C1D: variants seen among roughly 807,000 people sequenced by gnomAD.
C1D encodes C1D nuclear receptor corepressor, also known as nuclear nucleic acid-binding protein C1D.
In C1D, 10 loss-of-function variants were observed where a neutral mutation model predicts 17.5. That is an observed-to-expected ratio of 0.57 (90% CI 0.35 to 0.97). The LOEUF (loss-of-function observed/expected upper bound fraction) is 0.97, where lower values mean the gene tolerates loss of function less well. Among genes scored for constraint, C1D ranks in the 50% least tolerant of loss-of-function variants. The probability of loss-of-function intolerance (pLI) is 0.01; values close to 1 mark genes in which losing one functional copy is unlikely to be tolerated. For missense variants in C1D, 136 were observed against 160.1 expected, an observed-to-expected ratio of 0.85 and a Z score of 0.81; for synonymous variants, 49 against 54.0, an observed-to-expected ratio of 0.91 and a Z score of 0.40.
Position 68,041,631 on chromosome 2 carries a change from T to C in C1D, c.*1258A>G, listed in dbSNP as rs1227536740. 6.6e-6 allele frequency: 1 copy of C among 151,896 alleles called. No homozygotes were observed. Among genetic ancestry groups the C allele is most frequent in the Non-Finnish European group, 1.5e-5 (1 of 67,840 alleles). 9.4% of individuals were successfully genotyped at this position (151,896 alleles called of 1,614,324 possible). A position where few individuals can be genotyped will look rare whatever the true frequency, so the allele number is the denominator to read the frequency against. On this transcript the variant is annotated 3_prime_UTR_variant, in exon 5 of 5. Transcript: ENST00000410067. ...TCCTCTTCATGTGTCATAGAAAGAG[T>C]TCAACATGCTTTACAAAATCCATTA...
chr2:68,053,718 C>T (rs1321533115), intron 1 of C1D, among the ~76,000 whole-genome samples: 3 of 152,194 alleles, frequency 2.0e-5, no homozygotes, highest in African/African-American at 4.8e-5. Flanking sequence ...TCTGCCTAAC[C>T]TCATCTTTCA....
chr2:68,048,436 A>G (rs541715636), intron 1 of C1D, among the ~76,000 whole-genome samples: 1 of 152,188 alleles, frequency 6.6e-6, no homozygotes, highest in Admixed American at 6.5e-5. Flanking sequence ...AAATCATTGA[A>G]TCTCTCTTGG....
At chr2:68,045,874 T>C (rs1247504467) in intron 4 of C1D, 114 bp downstream of exon 4, 1 of 730,886 alleles carries the variant, frequency 1.4e-6, no homozygotes, top group East Asian at 3.1e-5. Flanking sequence ...TCTGGCTCAC[T>C]TTCATAATTT....
rs1006001568 is a variant in C1D at position 68,042,100 on chromosome 2, C to T, written c.*789G>A. The T allele has an allele frequency of 9.2e-5, 14 of 151,974 alleles. No homozygotes were observed. Among genetic ancestry groups the T allele is most frequent in the Non-Finnish European group, 1.6e-4 (11 of 67,898 alleles). The allele number at this position is 151,974 out of a possible 1,614,324, so 9.4% of individuals were successfully genotyped here. ...GAAAAGAACTGTGGACACCATGCATCAGGAACAAAAACTCAAGAATTTCTC... is the reference window on the plus strand; with the variant it reads ...GAAAAGAACTGTGGACACCATGCATTAGGAACAAAAACTCAAGAATTTCTC... On this transcript the variant is annotated 3_prime_UTR_variant, in exon 5 of 5. Coordinates refer to ENST00000410067, the MANE Select transcript of C1D (RefSeq NM_173177.3).
chr2:68,059,876 T>C (rs1030027916), intron 1 of C1D, among the ~76,000 whole-genome samples: 1 of 152,224 alleles, frequency 6.6e-6, no homozygotes, highest in Non-Finnish European at 1.5e-5. Context: ...CAACTTTAAA[T>C]ACCATCTGTT....
At chr2:68,057,314 A>ATTTT (rs373349108) in intron 1 of C1D, among the ~76,000 whole-genome samples, 1 of 140,558 alleles carries the variant, frequency 7.1e-6, no homozygotes, top group African/African-American at 2.6e-5. Flanking sequence ...ACACCTTGCT[A>ATTTT]TTTTTTTTTT....
In C1D at chr2:68,051,044, C is replaced by T. The variant is rs549108825; in HGVS notation, c.-9-3725G>A. On this transcript the variant is annotated intron_variant, in intron 1 of 4. Coordinates refer to ENST00000410067, the MANE Select transcript of C1D (RefSeq NM_173177.3). ...TCTACTGCTACTATCCTGGTCCAAACCACCAAACCACTATCCTGGTCCAAA... is the reference window on the plus strand; with the variant it reads ...TCTACTGCTACTATCCTGGTCCAAATCACCAAACCACTATCCTGGTCCAAA... Among the ~76,000 whole-genome samples the T allele has an allele frequency of 1.6e-4, 24 of 152,302 alleles. No homozygotes were observed. The East Asian group carries it at 3.5e-3, about 22-fold the overall frequency.
intron 1 of C1D, among the ~76,000 whole-genome samples, chr2:68,061,472 T>C (rs1017003445): frequency 6.6e-6 from 1 of 152,230 alleles, no homozygotes; most frequent in Non-Finnish European, 1.5e-5. Context: ...TTAAATTAAA[T>C]TCACTTCTAT....
intron 1 of C1D, among the ~76,000 whole-genome samples, chr2:68,057,119 A>C (rs1347185073): frequency 6.6e-6 from 1 of 152,160 alleles, no homozygotes; most frequent in African/African-American, 2.4e-5. Context: ...AAGTGAACAA[A>C]AGTTGAAGAA....
At position 68,046,383 on chromosome 2, in the gene C1D, C is replaced by G; in HGVS notation, c.166G>C (p.Asp56His). The change falls in exon 3 of 5, where the codon GAT becomes CAT. Residue 56 changes from aspartate to histidine, a missense_variant. Physicochemically the swap from Asp to His is moderately conservative, Grantham distance 81. Coordinates refer to ENST00000410067, the MANE Select transcript of C1D (RefSeq NM_173177.3). The stretch of plus-strand genomic sequence containing the variant: ...TTTAATGTGTATGCAGAAACCAAAT[C>G]CACTTTTGCTTGTTCAAGTGGATCC... ...KLDPLEQAKV[D>H]LVSAYTLNSM... 6.2e-7 allele frequency: 1 copy of G among 1,611,978 alleles called. No individual in the cohort carries two copies. Among genetic ancestry groups the G allele is most frequent in the Non-Finnish European group, 8.5e-7 (1 of 1,178,838 alleles).
At chr2:68,061,199 C>T (rs1671619361) in intron 1 of C1D, among the ~76,000 whole-genome samples, 1 of 152,136 alleles carries the variant, frequency 6.6e-6, no homozygotes, top group Non-Finnish European at 1.5e-5. Context: ...ATGACTTTTT[C>T]GCACTGCATT....
intron 1 of C1D, among the ~76,000 whole-genome samples, chr2:68,057,975 C>G (rs1671487140): frequency 6.6e-6 from 1 of 152,202 alleles, no homozygotes; most frequent in Admixed American, 6.5e-5. Flanking sequence ...TCTCTTTCTG[C>G]CCCCAGCCAA....
chr2:68,059,574 T>C (rs1671560756), intron 1 of C1D, among the ~76,000 whole-genome samples: 1 of 152,134 alleles, frequency 6.6e-6, no homozygotes, highest in Non-Finnish European at 1.5e-5. Context: ...TGACTTAACA[T>C]TATCACATAT....
intron 1 of C1D, chr2:68,053,165 G>C: frequency 6.4e-7 from 1 of 1,550,500 alleles, no homozygotes; most frequent in South Asian, 1.2e-5. Context: ...GACGGAGAGG[G>C]CATGAGAAAA....
rs1220559737 is a variant in C1D at position 68,041,136 on chromosome 2, C to CT, written c.*1752_*1753insA. On this transcript the variant is annotated 3_prime_UTR_variant, in exon 5 of 5. Transcript: ENST00000410067. The stretch of plus-strand genomic sequence containing the variant: ...AATAAGCAACCCAATGCACTACAGC[C>CT]ATTCAGCTCCTTATTACGTGCTAAG... The CT allele has an allele frequency of 2.0e-5, 3 of 151,918 alleles. No individual in the cohort carries two copies. The highest frequency in any genetic ancestry group is 7.2e-5 in the African/African-American group (3 of 41,404). The allele number at this position is 151,918 out of a possible 1,614,324, so 9.4% of individuals were successfully genotyped here.
At chr2:68,045,521 C>T (rs1263673528) in intron 4 of C1D, among the ~76,000 whole-genome samples, 2 of 152,048 alleles carry the variant, frequency 1.3e-5, no homozygotes, top group Admixed American at 1.3e-4. Context: ...CTGGACAGTA[C>T]ACATACAGCT....
intron 1 of C1D, among the ~76,000 whole-genome samples, chr2:68,052,509 A>G (rs1163308424): frequency 2.6e-5 from 4 of 152,232 alleles, no homozygotes; most frequent in Non-Finnish European, 5.9e-5. Flanking sequence ...CTACGAGAAA[A>G]TATTTCCTTT....
chr2:68,046,100 C>T (rs1466391797), intron 3 of C1D, 57 bp from the exon 4 acceptor site: 4 of 1,208,584 alleles, frequency 3.3e-6, no homozygotes, highest in Non-Finnish European at 3.5e-6. Context: ...TAAAACATTC[C>T]AATTAAAGAA....
At chr2:68,051,971 ACAGT>A (rs371515685) in intron 1 of C1D, among the ~76,000 whole-genome samples, 63 of 152,150 alleles carry the variant, frequency 4.1e-4, no homozygotes, top group African/African-American at 1.4e-3. Context: ...GCACTGCCTG[ACAGT>A]CAATACATTT....
Sources: gnomAD v4.1 joint callset for allele counts (sites outside exome capture counted in the v4.1 genomes callset) on GRCh38, gnomAD v4.1.1 for gene constraint, MANE v1.5 for transcripts, NCBI Gene and HGNC (gene_info 2026-07-23, HGNC 2026-07-21) for gene names.